The following TXNRD2 variants were observed in gnomAD, a reference collection of about 807,000 sequenced individuals.
The protein encoded by TXNRD2 is thioredoxin reductase 2, mitochondrial.
Under a neutral mutation model 70.8 loss-of-function variants are expected in TXNRD2, and 67 were observed. That is an observed-to-expected ratio of 0.95 (90% confidence interval 0.78 to 1.16). TXNRD2 has a LOEUF of 1.16. Among genes scored for constraint, TXNRD2 ranks in the 50% most tolerant of loss-of-function variants. The pLI, the probability that TXNRD2 is intolerant of heterozygous loss-of-function variation, is 0.00. For missense variants in TXNRD2, 644 were observed against 719.9 expected (o/e 0.89, Z 1.21); for synonymous variants, 301 against 295.8 (o/e 1.02, Z -0.18).
At chr22:19,900,699 A>C (rs1210870504) in intron 8 of TXNRD2, among the ~76,000 whole-genome samples, 2 of 152,008 alleles carry the variant, frequency 1.3e-5, no homozygotes, top group Non-Finnish European at 2.9e-5. Context: ...GCAGTGAGCC[A>C]AGATCGTGTC....
At chr22:19,934,923 A>G (rs5748483) in intron 1 of TXNRD2, among the ~76,000 whole-genome samples, 92,797 of 152,018 alleles carry the variant, frequency 0.61, 28,639 homozygotes, top group East Asian at 0.71. Flanking sequence ...TGTTATCTTC[A>G]TAAGCTGATA....
At chr22:19,885,064 C>A (rs964055467) in intron 11 of TXNRD2, among the ~76,000 whole-genome samples, 2 of 152,168 alleles carry the variant, frequency 1.3e-5, no homozygotes, top group African/African-American at 4.8e-5. Context: ...CTGCCCCCTG[C>A]CAGTCTCCAC....
intron 2 of TXNRD2, among the ~76,000 whole-genome samples, chr22:19,927,080 G>A (rs934691847): frequency 1.7e-4 from 26 of 151,996 alleles, no homozygotes; most frequent in Admixed American, 1.0e-3. Flanking sequence ...GATCACCTGA[G>A]GTCAGGAGTT....
At chr22:19,935,272 T>C (rs1941501063) in intron 1 of TXNRD2, among the ~76,000 whole-genome samples, 3 of 152,316 alleles carry the variant, frequency 2.0e-5, no homozygotes, top group Admixed American at 1.3e-4. Context: ...GTCTGTCTTA[T>C]GCGGTTGAGA....
At chr22:19,881,728 C>A (rs1022927861) in intron 12 of TXNRD2, among the ~76,000 whole-genome samples, 1 of 152,206 alleles carries the variant, frequency 6.6e-6, no homozygotes, top group Non-Finnish European at 1.5e-5. Flanking sequence ...CAGGGTGCAG[C>A]GCCCACAGGA....
Position 19,892,701 on chromosome 22 carries a change from G to A in TXNRD2, c.949+2706C>T, listed in dbSNP as rs531863046. ...CAGCTCCCTTATGCTGTGGGTGAAC[G>A]GAGGTGTCAGCAGACAGAGGAGGAG... On this transcript the variant is annotated intron_variant, in intron 11 of 17. Transcript: ENST00000400521. Among the ~76,000 whole-genome samples, 59 of 152,310 alleles carry A rather than the reference G, an allele frequency of 3.9e-4. 1 individual carries two copies. Among genetic ancestry groups the A allele is most frequent in the Admixed American group, 2.5e-3 (39 of 15,304 alleles).
intron 1 of TXNRD2, among the ~76,000 whole-genome samples, chr22:19,934,382 G>GAAAAAAAAAAAAAAAAAAAAAAAAAAAA (rs35669821): frequency 1.1e-5 from 1 of 93,762 alleles, no homozygotes; most frequent in African/African-American, 4.1e-5. Context: ...CTCTGTCTCA[G>GAAAAAAAAAAAAAAAAAAAAAAAAAAAA]AAAAAAAAAA....
At chr22:19,885,406 T>C (rs1016808491) in intron 11 of TXNRD2, among the ~76,000 whole-genome samples, 1 of 152,242 alleles carries the variant, frequency 6.6e-6, no homozygotes, top group Admixed American at 6.5e-5. Flanking sequence ...CTCCAGCTGC[T>C]GTCCCGGGGC....
intron 2 of TXNRD2, among the ~76,000 whole-genome samples, chr22:19,925,009 GCA>G (rs1941068115): frequency 2.0e-5 from 3 of 151,324 alleles, no homozygotes; most frequent in Admixed American, 1.3e-4. Flanking sequence ...GGGGGGCCAG[GCA>G]TGGTGGCTCA....
rs552290644 is a variant in TXNRD2 at position 19,922,789 on chromosome 22, C to T, written c.173-3190G>A. Among the ~76,000 whole-genome samples the T allele has an allele frequency of 2.5e-3, 375 of 152,236 alleles. 5 individuals carry two copies. In the South Asian group the frequency reaches 0.03, roughly 12 times the overall value. On this transcript the variant is annotated intron_variant, in intron 2 of 17. Coordinates refer to ENST00000400521, the MANE Select transcript of TXNRD2 (RefSeq NM_006440.5). Reference sequence around the variant, plus strand: ...GCAACCTCCACCTCCTGGGTTCAAGCGATTCTCCTGCCTAAGCCTCCTGAA... The same window carrying T: ...GCAACCTCCACCTCCTGGGTTCAAGTGATTCTCCTGCCTAAGCCTCCTGAA...
intron 11 of TXNRD2, 68 bp downstream of exon 11, chr22:19,895,339 T>TGA (rs1569080856): frequency 6.2e-7 from 1 of 1,608,224 alleles, no homozygotes; most frequent in East Asian, 2.2e-5. Flanking sequence ...TGACAGGAAG[T>TGA]GGGGCAAAGA....
intron 11 of TXNRD2, among the ~76,000 whole-genome samples, chr22:19,889,653 A>G (rs1601400387): frequency 7.1e-6 from 1 of 141,812 alleles, no homozygotes; most frequent in Non-Finnish European, 1.5e-5. Context: ...ATTATTATTA[A>G]TTATTTGAAA....
chr22:19,881,553 TAA>T (rs1938782126), intron 12 of TXNRD2, among the ~76,000 whole-genome samples: 1 of 152,232 alleles, frequency 6.6e-6, no homozygotes, highest in Non-Finnish European at 1.5e-5. Flanking sequence ...AATGTTTAAA[TAA>T]AGAATGCCTT....
At chr22:19,879,606 G>A (rs1938665097) in intron 14 of TXNRD2, among the ~76,000 whole-genome samples, 1 of 150,550 alleles carries the variant, frequency 6.6e-6, no homozygotes, top group South Asian at 2.1e-4. Context: ...AGGAAGACGA[G>A]GTGCAGGGTG....
At chr22:19,894,917 G>A (rs1939427581) in intron 11 of TXNRD2, 3 of 1,172,798 alleles carry the variant, frequency 2.6e-6, no homozygotes, top group South Asian at 1.6e-5. Flanking sequence ...GAACCCGGGA[G>A]GCGGAGGTTG....
At chr22:19,915,885 A>G in intron 5 of TXNRD2, 42 bp from the exon 6 acceptor site, 1 of 1,565,382 alleles carries the variant, frequency 6.4e-7, no homozygotes, top group Non-Finnish European at 8.8e-7. Context: ...TCCTCTGCAA[A>G]TTAAACCTCA....
At chr22:19,925,011 A>G (rs185370338) in intron 2 of TXNRD2, among the ~76,000 whole-genome samples, 6,256 of 150,928 alleles carry the variant, frequency 0.041, 172 homozygotes, top group Non-Finnish European at 0.064. Context: ...GGGGCCAGGC[A>G]TGGTGGCTCA....
At chr22:19,939,697 T>C (rs1220017091) in intron 1 of TXNRD2, among the ~76,000 whole-genome samples, 1 of 152,204 alleles carries the variant, frequency 6.6e-6, no homozygotes, top group Admixed American at 6.5e-5. Flanking sequence ...GCCTTGGACA[T>C]GCACCTGGTT....
At chr22:19,911,511 A>G (rs1940411257) in intron 7 of TXNRD2, 64 bp from the exon 8 acceptor site, 2 of 1,257,782 alleles carry the variant, frequency 1.6e-6, no homozygotes, top group Non-Finnish European at 2.3e-6. Flanking sequence ...GGCTTCCTTA[A>G]AGAGGATGCC....
Sources: allele counts gnomAD v4.1 joint callset (sites outside exome capture counted in the v4.1 genomes callset), GRCh38; gene constraint gnomAD v4.1.1; transcripts MANE v1.5; gene names NCBI Gene and HGNC (gene_info 2026-07-23, HGNC 2026-07-21).